The following RUNX1T1 variants were observed in gnomAD, a reference collection of about 807,000 sequenced individuals.
RUNX1T1 encodes protein CBFA2T1.
Under a neutral mutation model 62.8 loss-of-function variants are expected in RUNX1T1, and 4 were observed. The ratio of observed to expected loss-of-function variants is 0.06; its 90% CI spans 0.03 to 0.15. The LOEUF is 0.15. Ranked by LOEUF, RUNX1T1 falls within the 10% of genes least tolerant of loss-of-function variation. The pLI is 1.00. For synonymous variants in RUNX1T1, 291 were observed against 286.0 expected, an observed-to-expected ratio of 1.02 and a Z score of -0.18; for missense variants, 508 against 754.3, an observed-to-expected ratio of 0.67 and a Z score of 3.82.
At chr8:91,963,346 TA>T (rs918205151) in intron 10 of RUNX1T1, among the ~76,000 whole-genome samples, 13 of 151,926 alleles carry the variant, frequency 8.6e-5, no homozygotes, top group African/African-American at 3.1e-4. Flanking sequence ...ATGATCTGGT[TA>T]AAAAAAAATC....
chr8:91,981,404 CTTTTTTTT>C (rs67366711), intron 8 of RUNX1T1, among the ~76,000 whole-genome samples: 2 of 63,842 alleles, frequency 3.1e-5, no homozygotes, highest in South Asian at 6.1e-4. Flanking sequence ...AGTTACTAAG[CTTTTTTTT>C]TTTTTTTTTT....
intron 1 of RUNX1T1, among the ~76,000 whole-genome samples, chr8:92,041,277 C>G (rs1036814123): frequency 6.6e-6 from 1 of 152,214 alleles, no homozygotes; most frequent in Non-Finnish European, 1.5e-5. Context: ...AACTACTATA[C>G]TATTCGACTA....
chr8:92,045,001 T>C (rs1829142847), intron 1 of RUNX1T1, among the ~76,000 whole-genome samples: 1 of 146,810 alleles, frequency 6.8e-6, no homozygotes, highest in African/African-American at 2.5e-5. Flanking sequence ...GTGGCCAAGG[T>C]GGGAGGATTG....
Position 92,095,093 on chromosome 8 carries a change from T to G in RUNX1T1, c.-86+4487A>C, listed in dbSNP as rs1470089837. ...AGCGTCAAGGCCAGGGGTAGATGCC[T>G]CCTCCTCACCCCACACAACAAAAGG... On this transcript the variant is annotated intron_variant, in intron 1 of 11. Coordinates refer to the RUNX1T1 transcript ENST00000265814. 4 of 1,535,606 alleles carry G rather than the reference T, an allele frequency of 2.6e-6. No individual in the cohort carries two copies. The Admixed American group carries it at 5.9e-5, about 23-fold the overall frequency.
At chr8:91,974,881 C>A (rs904574248) in intron 9 of RUNX1T1, among the ~76,000 whole-genome samples, 1 of 152,138 alleles carries the variant, frequency 6.6e-6, no homozygotes, top group African/African-American at 2.4e-5. Context: ...TATAAAAATA[C>A]TTGGATAAGA....
At chr8:92,000,028 C>T (rs1361292424) in intron 5 of RUNX1T1, among the ~76,000 whole-genome samples, 1 of 152,052 alleles carries the variant, frequency 6.6e-6, no homozygotes, top group African/African-American at 2.4e-5. Context: ...TTTTGTGGCT[C>T]GGTACAGTGG....
intron 1 of RUNX1T1, among the ~76,000 whole-genome samples, chr8:92,043,313 A>C (rs1279863969): frequency 6.6e-6 from 1 of 152,260 alleles, no homozygotes; most frequent in Middle Eastern, 3.4e-3. Context: ...TCCCCAAATT[A>C]AGTTTGTGAA....
intron 1 of RUNX1T1, among the ~76,000 whole-genome samples, chr8:92,057,085 GAGGAAT>G (rs1463505240): frequency 6.6e-6 from 1 of 152,104 alleles, no homozygotes; most frequent in Admixed American, 6.6e-5. Flanking sequence ...TCTCTTTCAA[GAGGAAT>G]AGTAATACAC....
intron 1 of RUNX1T1, among the ~76,000 whole-genome samples, chr8:92,093,904 G>A (rs1042218540): frequency 5.3e-5 from 8 of 151,982 alleles, no homozygotes; most frequent in African/African-American, 1.5e-4. Flanking sequence ...CATCCAATTC[G>A]GGGTAGAATT....
At chr8:92,017,938 G>A (rs911134757) in intron 1 of RUNX1T1, among the ~76,000 whole-genome samples, 1 of 152,170 alleles carries the variant, frequency 6.6e-6, no homozygotes, top group Admixed American at 6.5e-5. Flanking sequence ...CTACATAGGT[G>A]AAATGTGTTA....
At chr8:92,085,140 G>C (rs956410309) in intron 1 of RUNX1T1, among the ~76,000 whole-genome samples, 1 of 152,204 alleles carries the variant, frequency 6.6e-6, no homozygotes, top group Admixed American at 6.5e-5. Context: ...AAATGGTAAA[G>C]CACTTGGGAG....
At chr8:92,032,348 C>T (rs1039434023) in intron 1 of RUNX1T1, among the ~76,000 whole-genome samples, 1 of 151,898 alleles carries the variant, frequency 6.6e-6, no homozygotes, top group Non-Finnish European at 1.5e-5. Context: ...AAAAATAAAC[C>T]CGTCTCATGC....
rs921735545 is a variant in RUNX1T1, at chr8:92,014,556, TG to T, written c.387+22del. ...ACACTATCCCTTACACCAAGAAAAC[TG>T]GGTTGGTTTCCATTTGCTTACCACT... On this transcript the variant is annotated intron_variant, in intron 3 of 10. Transcript: ENST00000396218. 4.5e-6 allele frequency: 7 copies of T among 1,571,408 alleles called. No individual in the cohort carries two copies. The African/African-American group carries it at 8.1e-5, about 18-fold the overall frequency.
At chr8:92,086,514 C>T (rs906112660) in intron 1 of RUNX1T1, among the ~76,000 whole-genome samples, 3 of 152,130 alleles carry the variant, frequency 2.0e-5, no homozygotes, top group South Asian at 2.1e-4. Context: ...ATGTAACAAC[C>T]GCATTTTAAG....
chr8:91,970,775 T>C (rs2130620592), exon 10 of RUNX1T1: 2 of 1,613,582 alleles, frequency 1.2e-6, no homozygotes, highest in East Asian at 2.2e-5. Flanking sequence ...TGTCGTGGGC[T>C]TTCCGCTCCG....
At chr8:92,024,035 T>C (rs889486413) in intron 1 of RUNX1T1, among the ~76,000 whole-genome samples, 4 of 152,196 alleles carry the variant, frequency 2.6e-5, no homozygotes, top group African/African-American at 4.8e-5. Flanking sequence ...GAGATTATCA[T>C]GGTAGTAGTA....
chr8:92,034,695 CA>C (rs931319517), intron 1 of RUNX1T1, among the ~76,000 whole-genome samples: 5 of 148,356 alleles, frequency 3.4e-5, no homozygotes, highest in Non-Finnish European at 7.4e-5. Context: ...TGTGTGTATA[CA>C]TGTATACATA....
At chr8:92,013,149 T>C (rs1004163067) in intron 3 of RUNX1T1, among the ~76,000 whole-genome samples, 4 of 152,218 alleles carry the variant, frequency 2.6e-5, no homozygotes, top group African/African-American at 9.7e-5. Context: ...TGTGGTTCCT[T>C]GGTCTAACTT....
intron 5 of RUNX1T1, among the ~76,000 whole-genome samples, chr8:91,996,988 A>AT (rs1324466860): frequency 1.3e-5 from 2 of 151,326 alleles, no homozygotes; most frequent in African/African-American, 4.9e-5. Context: ...TTAGCCAGGC[A>AT]TGGTGGAGCA....
Sources: gnomAD v4.1 joint callset for allele counts (sites outside exome capture counted in the v4.1 genomes callset) on GRCh38, gnomAD v4.1.1 for gene constraint, MANE v1.5 for transcripts, NCBI Gene and HGNC (gene_info 2026-07-23, HGNC 2026-07-21) for gene names.